The following CCDC171 variants were observed in gnomAD, a reference collection of about 807,000 sequenced individuals.
CCDC171 encodes the protein coiled-coil domain containing 171.
A neutral mutation model predicts 168.2 loss-of-function variants in CCDC171; 177 were observed. The observed-to-expected ratio is 1.05, with a 90% CI of 0.93 to 1.19. The LOEUF (loss-of-function observed/expected upper bound fraction) is 1.19, where lower values mean the gene tolerates loss of function less well. CCDC171 is among the 50% of genes most tolerant of loss of function. The pLI is 0.00. For missense variants in CCDC171, 1,991 were observed against 1,539.0 expected (o/e 1.29, Z -4.91); for synonymous variants, 687 against 540.8 (o/e 1.27, Z -3.75).
chr9:15,958,158 A>G (rs561966262), intron 25 of CCDC171, among the ~76,000 whole-genome samples: 1 of 151,794 alleles, frequency 6.6e-6, no homozygotes, highest in Admixed American at 6.6e-5. Flanking sequence ...ATTCCTCAAC[A>G]GGCAGGTGTA....
At chr9:15,969,000 C>T (rs568898780) in intron 25 of CCDC171, among the ~76,000 whole-genome samples, 10 of 152,226 alleles carry the variant, frequency 6.6e-5, no homozygotes, top group Non-Finnish European at 1.3e-4. Flanking sequence ...AGAGACTATA[C>T]TTTTGGGGGG....
At chr9:15,580,796 A>C (rs1315723508) in intron 4 of CCDC171, among the ~76,000 whole-genome samples, 1 of 152,198 alleles carries the variant, frequency 6.6e-6, no homozygotes, top group Non-Finnish European at 1.5e-5. Context: ...GTAAATTAGT[A>C]CAATCACTAT....
chr9:15,876,703 C>G (rs1170803665), intron 24 of CCDC171, among the ~76,000 whole-genome samples: 3 of 151,956 alleles, frequency 2.0e-5, no homozygotes, highest in African/African-American at 7.3e-5. Flanking sequence ...GTATTGTAGA[C>G]TAATTATGGG....
chr9:15,715,501 A>G (rs145334932), intron 11 of CCDC171, among the ~76,000 whole-genome samples: 36 of 152,328 alleles, frequency 2.4e-4, no homozygotes, highest in African/African-American at 8.7e-4. Context: ...TTATCAGGTG[A>G]AAACAAAACT....
chr9:15,558,076 C>A (rs1388955456), intron 1 of CCDC171, among the ~76,000 whole-genome samples: 5 of 152,134 alleles, frequency 3.3e-5, no homozygotes, highest in African/African-American at 4.8e-5. Context: ...CCTTCCATCC[C>A]AGGGATGAAG....
intron 7 of CCDC171, among the ~76,000 whole-genome samples, chr9:15,638,927 AAAGAG>A (rs1294935581): frequency 6.6e-6 from 1 of 152,066 alleles, no homozygotes; most frequent in Non-Finnish European, 1.5e-5. Context: ...CTCAATAAGA[AAAGAG>A]AAAAGAGAAG....
At chr9:15,820,566 G>A (rs1177426982) in intron 21 of CCDC171, among the ~76,000 whole-genome samples, 2 of 117,894 alleles carry the variant, frequency 1.7e-5, no homozygotes, top group South Asian at 2.8e-4. Context: ...ACACCTCTAT[G>A]CAAATAAACT....
chr9:15,867,833 T>C (rs931066250), intron 23 of CCDC171, among the ~76,000 whole-genome samples: 3 of 152,110 alleles, frequency 2.0e-5, no homozygotes, highest in African/African-American at 7.2e-5. Context: ...GTGTTATCAA[T>C]TCTATTCTCA....
intron 21 of CCDC171, among the ~76,000 whole-genome samples, chr9:15,795,835 G>T (rs79611697): frequency 0.046 from 6,950 of 152,268 alleles, 237 homozygotes; most frequent in Non-Finnish European, 0.067. Context: ...CACACACAGG[G>T]TCTTAGTTTA....
chr9:15,590,775 T>TTCTTTCTTTCTCTC (rs779502640), intron 4 of CCDC171, among the ~76,000 whole-genome samples: 2 of 84,790 alleles, frequency 2.4e-5, no homozygotes, highest in Admixed American at 1.2e-4. Context: ...TTCTTTCTCT[T>TTCTTTCTTTCTCTC]TCTTTCTTTC....
intron 7 of CCDC171, among the ~76,000 whole-genome samples, chr9:16,035,881 A>C (rs1167326669): frequency 2.0e-5 from 3 of 152,262 alleles, no homozygotes; most frequent in Non-Finnish European, 4.4e-5. Context: ...CGCTATGCAG[A>C]AACAGGCTCA....
intron 11 of CCDC171, among the ~76,000 whole-genome samples, chr9:15,716,183 A>G (rs2053073093): frequency 6.6e-6 from 1 of 152,196 alleles, no homozygotes; most frequent in Non-Finnish European, 1.5e-5. Context: ...AAGCACAAGT[A>G]TAGACAGAGG....
At chr9:15,997,798 T>G (rs1464047229) in intron 3 of CCDC171, among the ~76,000 whole-genome samples, 2 of 152,188 alleles carry the variant, frequency 1.3e-5, no homozygotes, top group African/African-American at 4.8e-5. Context: ...TTATTCACTG[T>G]CAGAACTTGG....
chr9:15,557,760 A>G (rs2038930156), intron 1 of CCDC171, among the ~76,000 whole-genome samples: 1 of 152,112 alleles, frequency 6.6e-6, no homozygotes, highest in African/African-American at 2.4e-5. Context: ...CCTGGCCAGA[A>G]GTTCCAACAC....
At chr9:15,741,503 A>G (rs2054878418) in intron 16 of CCDC171, among the ~76,000 whole-genome samples, 1 of 152,164 alleles carries the variant, frequency 6.6e-6, no homozygotes. Context: ...GTGTGGATAT[A>G]CCACATTTTG....
rs559578075 is a variant in CCDC171, at chr9:15,637,966, G to C, written c.822+14553G>C. ...TGTCTTTATAACAGCATGATTTATA[G>C]TCCTTTGGGTATATACCCAGTAATG... On this transcript the variant is annotated intron_variant, in intron 7 of 25. Coordinates refer to ENST00000380701, the MANE Select transcript of CCDC171 (RefSeq NM_173550.4). 4.9e-3 allele frequency among the ~76,000 whole-genome samples: 750 copies of C among 152,206 alleles called. 8 individuals are homozygous for C. The highest frequency in any genetic ancestry group is 0.017 in the African/African-American group (715 of 41,534).
intron 18 of CCDC171, among the ~76,000 whole-genome samples, chr9:15,749,649 G>C (rs146974693): frequency 0.019 from 2,872 of 152,264 alleles, 94 homozygotes; most frequent in African/African-American, 0.065. Flanking sequence ...AATCAAACTA[G>C]AACTCAGGAT....
At position 15,817,785 on chromosome 9, in the gene CCDC171, A is replaced by C. The variant is rs991888751; in HGVS notation, c.3268-28917A>C. ...CTCTGGGGGCAGGGCACAGACAAAC[A>C]AAAGGCAGCAATAACCTCTGCAGAC... On this transcript the variant is annotated intron_variant, in intron 21 of 25. Coordinates refer to ENST00000380701, the MANE Select transcript of CCDC171 (RefSeq NM_173550.4). Among the ~76,000 whole-genome samples the C allele has an allele frequency of 3.6e-4, 43 of 118,644 alleles. 10 individuals carry two copies. Among genetic ancestry groups the C allele is most frequent in the African/African-American group, 1.2e-3 (39 of 31,738 alleles). 77.8% of individuals were successfully genotyped at this position (118,644 alleles called of 152,430 possible). A position where few individuals can be genotyped will look rare whatever the true frequency, so the allele number is the denominator to read the frequency against.
intron 7 of CCDC171, among the ~76,000 whole-genome samples, chr9:15,632,827 T>C (rs2045845910): frequency 6.6e-6 from 1 of 152,170 alleles, no homozygotes; most frequent in African/African-American, 2.4e-5. Flanking sequence ...AACAGAGATA[T>C]AGATCAATAG....
Sources: gnomAD v4.1 joint callset for allele counts (sites outside exome capture counted in the v4.1 genomes callset) on GRCh38, gnomAD v4.1.1 for gene constraint, MANE v1.5 for transcripts, NCBI Gene and HGNC (gene_info 2026-07-23, HGNC 2026-07-21) for gene names.